NR3C2: variants seen among roughly 807,000 people sequenced by gnomAD.
NR3C2 encodes mineralocorticoid receptor.
NR3C2 carries 15 observed loss-of-function variants against 86.4 expected under a neutral mutation model. The ratio of observed to expected loss-of-function variants is 0.17; its 90% CI spans 0.12 to 0.27. The LOEUF (loss-of-function observed/expected upper bound fraction) is 0.27. Ranked by LOEUF, NR3C2 falls within the 10% of genes least tolerant of loss-of-function variation. The pLI is 1.00. For missense variants in NR3C2, 960 were observed against 1,195.6 expected (o/e 0.80, Z 2.91); for synonymous variants, 458 against 450.5 (o/e 1.02, Z -0.21).
rs539038522 is a variant in NR3C2 at position 148,136,605 on chromosome 4, T to C, written c.2510+15864A>G. 2.6e-5 allele frequency among the ~76,000 whole-genome samples: 4 copies of C among 152,172 alleles called. No individual in the cohort carries two copies. The East Asian group carries it at 7.7e-4, about 29-fold the overall frequency. On this transcript the variant is annotated intron_variant, in intron 6 of 8. Transcript: ENST00000358102. ...AGCATGGCCTTTCAAGCTACACAGT[T>C]TTGCCCGGCAGCTTTCCTTGACCAC...
At chr4:148,234,720 T>C (rs1479147246) in intron 3 of NR3C2, among the ~76,000 whole-genome samples, 3 of 149,274 alleles carry the variant, frequency 2.0e-5, no homozygotes, top group Admixed American at 1.3e-4. Context: ...ATGGGGAATA[T>C]AGGTAATTCT....
At chr4:148,208,187 G>A (rs1169359919) in intron 3 of NR3C2, 1 of 152,378 alleles carries the variant, frequency 6.6e-6, no homozygotes, top group East Asian at 1.9e-4. Flanking sequence ...ACTGTTCCGG[G>A]AGCAGATGGC....
intron 6 of NR3C2, among the ~76,000 whole-genome samples, chr4:148,131,063 A>G (rs1423132876): frequency 1.3e-5 from 2 of 151,842 alleles, no homozygotes; most frequent in African/African-American, 2.4e-5. Flanking sequence ...CAGTCTTCTG[A>G]CCTTGTGATC....
intron 2 of NR3C2, among the ~76,000 whole-genome samples, chr4:148,310,510 G>A (rs1017636941): frequency 1.1e-4 from 16 of 152,152 alleles, no homozygotes; most frequent in African/African-American, 2.2e-4. Flanking sequence ...AAACAAAGGC[G>A]ATTATAAGAT....
rs1233997340 is a variant in NR3C2, at chr4:148,081,467, G to A, written c.2832C>T (p.Tyr944=). ...LVSDLLEFCF[Y]TFRESHALKV... Reference sequence around the variant, plus strand: ...TCAGCGCATGGGACTCTCGGAAGGTGTAGAAGCAGAATTCCAGCAGGTCGC... The same window carrying A: ...TCAGCGCATGGGACTCTCGGAAGGTATAGAAGCAGAATTCCAGCAGGTCGC... The change falls in exon 9 of 9, where the codon TAC becomes TAT. Residue 944 remains tyrosine, a synonymous_variant. Coordinates refer to ENST00000358102, the MANE Select transcript of NR3C2 (RefSeq NM_000901.5). 5 of 1,614,116 alleles carry A rather than the reference G, an allele frequency of 3.1e-6. No homozygotes were observed. In the East Asian group the frequency reaches 8.9e-5, roughly 29 times the overall value.
At chr4:148,210,438 G>A (rs1475950558) in intron 3 of NR3C2, among the ~76,000 whole-genome samples, 4 of 152,154 alleles carry the variant, frequency 2.6e-5, no homozygotes, top group African/African-American at 9.7e-5. Context: ...CAATCTGCCT[G>A]CCTCGGGCTC....
At chr4:148,400,778 C>CAAAAAA (rs34623514) in intron 2 of NR3C2, among the ~76,000 whole-genome samples, 1 of 84,424 alleles carries the variant, frequency 1.2e-5, no homozygotes, top group Non-Finnish European at 2.3e-5. Context: ...GACTCCGTCT[C>CAAAAAA]AAAAAAAAAA....
At chr4:148,194,679 A>G in intron 4 of NR3C2, 67 bp downstream of exon 4, 1 of 1,040,446 alleles carries the variant, frequency 9.6e-7, no homozygotes, top group South Asian at 1.3e-5. Flanking sequence ...TTTTGAGAGT[A>G]CACAGATCTT....
chr4:148,215,168 A>G (rs2149820722), intron 3 of NR3C2, among the ~76,000 whole-genome samples: 1 of 152,378 alleles, frequency 6.6e-6, no homozygotes, highest in South Asian at 2.1e-4. Flanking sequence ...GGGTATGAAA[A>G]GGGAAAACAA....
At chr4:148,232,883 T>A (rs1738537550) in intron 3 of NR3C2, among the ~76,000 whole-genome samples, 1 of 152,198 alleles carries the variant, frequency 6.6e-6, no homozygotes, top group Non-Finnish European at 1.5e-5. Flanking sequence ...TTTCTTAAAT[T>A]TCATGAACCA....
chr4:148,085,630 AATAAG>A (rs1422246440), intron 8 of NR3C2, among the ~76,000 whole-genome samples: 2 of 152,234 alleles, frequency 1.3e-5, no homozygotes, highest in African/African-American at 4.8e-5. Flanking sequence ...GAAGGCAAGA[AATAAG>A]ATCAGAGCAG....
chr4:148,344,886 T>G (rs72656834), intron 2 of NR3C2, among the ~76,000 whole-genome samples: 1 of 152,182 alleles, frequency 6.6e-6, no homozygotes, highest in Non-Finnish European at 1.5e-5. Context: ...CAAGGCCATA[T>G]AGAATTAGCA....
chr4:148,239,739 G>C (rs187560569), intron 3 of NR3C2, among the ~76,000 whole-genome samples: 1 of 152,172 alleles, frequency 6.6e-6, no homozygotes, highest in Non-Finnish European at 1.5e-5. Context: ...CAGTTTTTTG[G>C]TATATGGGAA....
chr4:148,301,765 C>A (rs11099688), intron 2 of NR3C2, among the ~76,000 whole-genome samples: 119,248 of 152,130 alleles, frequency 0.78, 46,917 homozygotes, highest in Middle Eastern at 0.87. Context: ...TCCCAAAATC[C>A]AATTTCAGTT....
chr4:148,409,037 T>C (rs1038093564), intron 2 of NR3C2, among the ~76,000 whole-genome samples: 18 of 152,288 alleles, frequency 1.2e-4, no homozygotes, highest in African/African-American at 2.6e-4. Flanking sequence ...CTGCAATGAA[T>C]TGTTGTAAAT....
At chr4:148,132,473 G>A (rs2149743948) in intron 6 of NR3C2, among the ~76,000 whole-genome samples, 1 of 152,242 alleles carries the variant, frequency 6.6e-6, no homozygotes, top group East Asian at 1.9e-4. Context: ...AGATACTAGG[G>A]GCCTTGGTAC....
chr4:148,311,597 C>A (rs1374908326), intron 2 of NR3C2, among the ~76,000 whole-genome samples: 1 of 152,218 alleles, frequency 6.6e-6, no homozygotes, highest in Non-Finnish European at 1.5e-5. Flanking sequence ...CATACCTTGG[C>A]CCCTGTCCCC....
intron 5 of NR3C2, among the ~76,000 whole-genome samples, chr4:148,153,438 A>G (rs1734197794): frequency 6.6e-6 from 1 of 152,120 alleles, no homozygotes; most frequent in African/African-American, 2.4e-5. Flanking sequence ...TCAGCCTCCC[A>G]AAGTCTGGGA....
At chr4:148,161,516 AT>A (rs1051958200) in intron 4 of NR3C2, among the ~76,000 whole-genome samples, 1 of 151,794 alleles carries the variant, frequency 6.6e-6, no homozygotes, top group African/African-American at 2.4e-5. Flanking sequence ...CACCTGGCTA[AT>A]TTTTTTTAAA....
Sources: gnomAD v4.1 joint callset for allele counts (sites outside exome capture counted in the v4.1 genomes callset) on GRCh38, gnomAD v4.1.1 for gene constraint, MANE v1.5 for transcripts, NCBI Gene and HGNC (gene_info 2026-07-23, HGNC 2026-07-21) for gene names.